The following URB1 variants were observed in gnomAD, a reference collection of about 807,000 sequenced individuals.
URB1 encodes URB1 ribosome biogenesis factor, also known as nucleolar pre-ribosomal-associated protein 1.
URB1 carries 197 observed loss-of-function variants against 242.3 expected under a neutral mutation model. The ratio of observed to expected loss-of-function variants is 0.81; its 90% confidence interval spans 0.72 to 0.91. URB1 has a LOEUF of 0.91. Among genes scored for constraint, URB1 ranks in the 40% least tolerant of loss-of-function variants. URB1 has a pLI of 0.00. For missense variants in URB1, 2,721 were observed against 2,860.5 expected (o/e 0.95, Z 1.11); for synonymous variants, 1,153 against 1,201.8 (o/e 0.96, Z 0.84).
chr21:32,340,711 T>A (rs919571614), intron 25 of URB1, among the ~76,000 whole-genome samples: 1 of 151,638 alleles, frequency 6.6e-6, no homozygotes, highest in Non-Finnish European at 1.5e-5. Context: ...AAGTCCCCAA[T>A]CCACCCCAAG....
chr21:32,353,239 G>A (rs2033179210), intron 18 of URB1, among the ~76,000 whole-genome samples: 2 of 152,160 alleles, frequency 1.3e-5, no homozygotes, highest in Non-Finnish European at 2.9e-5. Context: ...AGCCTCTCTT[G>A]CGTGTAGGCT....
chr21:32,379,345 T>C (rs932014512), intron 4 of URB1, among the ~76,000 whole-genome samples: 4 of 152,330 alleles, frequency 2.6e-5, no homozygotes, highest in Middle Eastern at 3.4e-3. Flanking sequence ...GGATCCTCCA[T>C]TGCTTACACC....
intron 29 of URB1, 56 bp downstream of exon 29, chr21:32,334,107 G>T: frequency 6.8e-7 from 1 of 1,470,162 alleles, no homozygotes; most frequent in South Asian, 1.4e-5. Context: ...GGTGCAGATG[G>T]AGCCCCTGAG....
Position 32,341,512 on chromosome 21 carries a change from C to A in URB1, c.4270G>T (p.Glu1424Ter). ...RLNALLHALN[E>*]VDPGDWQKFV... ...TTCTGCCAGTCACCAGGATCAACTT[C>A]ATTAAGTGCATGCTATGAATAAAAT... Residue 1424 changes from glutamate to a stop codon, truncating the protein, a stop_gained, in exon 25 of 39, where the codon GAA becomes TAA. Coordinates refer to ENST00000382751, the MANE Select transcript of URB1 (RefSeq NM_014825.3). LOFTEE classifies it high-confidence loss of function. 4.5e-6 allele frequency: 7 copies of A among 1,551,492 alleles called. No homozygotes were observed. The highest frequency in any genetic ancestry group is 6.1e-6 in the Non-Finnish European group (7 of 1,146,964).
intron 21 of URB1, 86 bp from the exon 22 acceptor site, chr21:32,347,897 G>C: frequency 6.9e-7 from 1 of 1,445,826 alleles, no homozygotes; most frequent in South Asian, 1.4e-5. Context: ...ATTCACTGTT[G>C]TTAGCGAGAC....
chr21:32,377,215 G>C, intron 5 of URB1: 1 of 519,030 alleles, frequency 1.9e-6, no homozygotes, highest in South Asian at 1.4e-5. Flanking sequence ...AGTGCCAGCA[G>C]CCTACGGGAA....
At chr21:32,334,458 G>A (rs1162542008) in intron 28 of URB1, 124 bp from the exon 29 acceptor site, 4 of 1,152,764 alleles carry the variant, frequency 3.5e-6, no homozygotes, top group South Asian at 1.6e-5. Flanking sequence ...TTCTGAGCAT[G>A]CGACGTGTTA....
chr21:32,332,481 A>AC (rs2032905678), intron 30 of URB1, among the ~76,000 whole-genome samples: 1 of 111,886 alleles, frequency 8.9e-6, no homozygotes, highest in Admixed American at 1.0e-4. Context: ...GAAAGACAAA[A>AC]AAAAAAAAAA....
chr21:32,391,752 C>T (rs927007523), intron 1 of URB1, among the ~76,000 whole-genome samples: 1 of 151,950 alleles, frequency 6.6e-6, no homozygotes, highest in African/African-American at 2.4e-5. Context: ...GTGGCTCATA[C>T]CTATACTCCC....
In URB1 at chr21:32,321,822, C is replaced by CGG. The variant is rs1568808182; in HGVS notation, c.5461_5462dup (p.Leu1822ArgfsTer35). ...GTACCTGTGCTGCCTCGTCACACAG[C>CGG]GGGCTGTGGAAGAAGGACAGGATGA... On this transcript the variant is annotated frameshift_variant, in exon 34 of 39. Transcript: ENST00000382751. LOFTEE classifies it high-confidence loss of function. 2.6e-6 allele frequency: 4 copies of CGG among 1,551,648 alleles called. No homozygotes were observed. The highest frequency in any genetic ancestry group is 3.5e-6 in the Non-Finnish European group (4 of 1,146,996).
intron 19 of URB1, among the ~76,000 whole-genome samples, chr21:32,351,232 G>A (rs932458090): frequency 6.6e-6 from 1 of 152,160 alleles, no homozygotes; most frequent in Non-Finnish European, 1.5e-5. Flanking sequence ...ACAGAGGCAG[G>A]ATGTGAATCA....
rs978021298 is a variant in URB1, at chr21:32,337,447, A to G, written c.4578T>C (p.Phe1526=). The G allele has an allele frequency of 1.7e-5, 27 of 1,550,424 alleles. No homozygotes were observed. Among genetic ancestry groups the G allele is most frequent in the Non-Finnish European group, 2.2e-5 (25 of 1,146,098 alleles). Residue 1526 remains phenylalanine, a synonymous_variant, in exon 27 of 39, where the codon TTT becomes TTC. Coordinates refer to ENST00000382751, the MANE Select transcript of URB1 (RefSeq NM_014825.3). The part of the protein sequence containing the change: ...MCPSVCESSH[F]AVLLGAYGAT... ...CGCCATAGGCCCCGAGAAGCACTGC[A>G]AAGTGGCTGCTCTCACAGACAGAGG...
At chr21:32,378,802 A>T (rs955934935) in intron 4 of URB1, among the ~76,000 whole-genome samples, 4 of 152,210 alleles carry the variant, frequency 2.6e-5, no homozygotes, top group Admixed American at 6.5e-5. Context: ...AAGTATGGGT[A>T]AAAAATAGTA....
chr21:32,329,207 A>G (rs1333100620), intron 30 of URB1, among the ~76,000 whole-genome samples: 1 of 152,138 alleles, frequency 6.6e-6, no homozygotes, highest in Non-Finnish European at 1.5e-5. Context: ...TTGGGTATAC[A>G]GTGAGCCATG....
In URB1 at chr21:32,356,755, G is replaced by A. The variant is rs184013290; in HGVS notation, c.1989+782C>T. Among the ~76,000 whole-genome samples, 189 of 152,314 alleles carry A rather than the reference G, an allele frequency of 1.2e-3. 1 individual carries two copies. Among genetic ancestry groups the A allele is most frequent in the African/African-American group, 4.1e-3 (169 of 41,564 alleles). ...AAACTCAGAGTCTAAGAGGCCTCACGGCACAGAGCCCTGCAACAGCATGCA... is the reference window on the plus strand; with the variant it reads ...AAACTCAGAGTCTAAGAGGCCTCACAGCACAGAGCCCTGCAACAGCATGCA... On this transcript the variant is annotated intron_variant, in intron 15 of 38. Coordinates refer to ENST00000382751, the MANE Select transcript of URB1 (RefSeq NM_014825.3).
rs1312646427 is a variant in URB1, at chr21:32,360,981, C to T, written c.1756+26G>A. On this transcript the variant is annotated intron_variant, in intron 13 of 38. Coordinates refer to ENST00000382751, the MANE Select transcript of URB1 (RefSeq NM_014825.3). Reference sequence around the variant, plus strand: ...GGTTTATTGGCAGCAACAGTGGCGGCTTGTCTGCAAGACCTTGAAACCCAC... The same window carrying T: ...GGTTTATTGGCAGCAACAGTGGCGGTTTGTCTGCAAGACCTTGAAACCCAC... 4.0e-6 allele frequency: 6 copies of T among 1,498,518 alleles called. No homozygotes were observed. The Admixed American group carries it at 8.6e-5, about 22-fold the overall frequency. 92.8% of individuals were successfully genotyped at this position (1,498,518 alleles called of 1,614,324 possible).
At chr21:32,320,115 T>C (rs1325071550) in intron 35 of URB1, among the ~76,000 whole-genome samples, 2 of 152,232 alleles carry the variant, frequency 1.3e-5, no homozygotes, top group African/African-American at 4.8e-5. Flanking sequence ...AGCAGAGCCC[T>C]GTCACCCGTC....
chr21:32,322,376 C>A, intron 33 of URB1, 102 bp downstream of exon 33: 2 of 1,071,548 alleles, frequency 1.9e-6, no homozygotes, highest in South Asian at 1.4e-5. Context: ...TCGTGTTGGC[C>A]GTGCAGCATA....
chr21:32,376,805 CT>C (rs1304208185), intron 5 of URB1, among the ~76,000 whole-genome samples: 1 of 123,202 alleles, frequency 8.1e-6, no homozygotes, highest in African/African-American at 2.5e-5. Context: ...ACCCAGCTAA[CT>C]TTTGTTTTGT....
Sources: gnomAD v4.1 joint callset for allele counts (sites outside exome capture counted in the v4.1 genomes callset) on GRCh38, gnomAD v4.1.1 for gene constraint, MANE v1.5 for transcripts, NCBI Gene and HGNC (gene_info 2026-07-23, HGNC 2026-07-21) for gene names.